Variants in BCL11B observed in about 807,000 individuals in gnomAD.
The protein encoded by BCL11B is BCL11 transcription factor B, also known as B-cell lymphoma/leukemia 11B.
Under a neutral mutation model 49.9 loss-of-function variants are expected in BCL11B, and 8 were observed. The ratio of observed to expected loss-of-function variants is 0.16; its 90% confidence interval spans 0.09 to 0.29. The LOEUF (loss-of-function observed/expected upper bound fraction) is 0.29. BCL11B is among the 10% of genes least tolerant of loss of function. The pLI, the probability that BCL11B is intolerant of heterozygous loss-of-function variation, is 1.00. For missense variants in BCL11B, 1,006 were observed against 1,351.0 expected (o/e 0.74, Z 4.00); for synonymous variants, 739 against 637.4 (o/e 1.16, Z -2.40).
In BCL11B at chr14:99,170,166, T is replaced by TG. The variant is rs1803662031; in HGVS notation, c.*3984dup. ...CCCTGGAGGCACTCTAGGACCTCAG[T>TG]GGGGCATCCAAAGGCAACAGCAGCC... On this transcript the variant is annotated 3_prime_UTR_variant, in exon 4 of 4. Coordinates refer to ENST00000357195, the MANE Select transcript of BCL11B (RefSeq NM_138576.4). 8.9e-6 allele frequency: 2 copies of TG among 224,596 alleles called. No homozygotes were observed. Among genetic ancestry groups the TG allele is most frequent in the Non-Finnish European group, 8.9e-6 (1 of 112,352 alleles). The allele number at this position is 224,596 out of a possible 1,614,324, so 13.9% of individuals were successfully genotyped here. A position where few individuals can be genotyped will look rare whatever the true frequency, so the allele number is the denominator to read the frequency against.
At chr14:99,193,274 C>A (rs1215563274) in intron 3 of BCL11B, among the ~76,000 whole-genome samples, 2 of 152,126 alleles carry the variant, frequency 1.3e-5, no homozygotes, top group Non-Finnish European at 2.9e-5. Context: ...TTCAACTAAT[C>A]AGAAAGGCCC....
intron 2 of BCL11B, among the ~76,000 whole-genome samples, chr14:99,252,088 C>T (rs1046528837): frequency 6.6e-6 from 1 of 152,182 alleles, no homozygotes; most frequent in Admixed American, 6.5e-5. Context: ...CCAGCCCAGC[C>T]CAAACTCTGC....
rs1442857173 is a variant in BCL11B, at chr14:99,194,023, T to C, written c.641-17828A>G. 1.3e-5 allele frequency among the ~76,000 whole-genome samples: 2 copies of C among 152,184 alleles called. No individual in the cohort carries two copies. The highest frequency in any genetic ancestry group is 2.9e-5 in the Non-Finnish European group (2 of 68,028). ...AATATGAATGGGGGTACTGGGGGTT[T>C]CAATGGTTTCTGCCAGACAATATGG... On this transcript the variant is annotated intron_variant, in intron 3 of 3. Transcript: ENST00000357195. The surrounding 1 kb of genome is among the most constrained non-coding windows in gnomAD (Gnocchi z 4.6).
Position 99,248,164 on chromosome 14 carries a change from C to T in BCL11B, c.427+9307G>A, listed in dbSNP as rs1888901568. Among the ~76,000 whole-genome samples, 2 of 152,134 alleles carry T rather than the reference C, an allele frequency of 1.3e-5. No individual in the cohort carries two copies. Among genetic ancestry groups the T allele is most frequent in the Non-Finnish European group, 2.9e-5 (2 of 68,018 alleles). ...CTGATCAAGGGCTCCCTCCTCCCTC[C>T]CTCCCTGCTCTCCTCTCCCAACCCT... On this transcript the variant is annotated intron_variant, in intron 2 of 3. Coordinates refer to ENST00000357195, the MANE Select transcript of BCL11B (RefSeq NM_138576.4). The surrounding 1 kb of genome is among the most constrained non-coding windows in gnomAD (Gnocchi z 4.7).
At chr14:99,261,286 G>A (rs1007401498) in intron 1 of BCL11B, among the ~76,000 whole-genome samples, 8 of 152,248 alleles carry the variant, frequency 5.3e-5, no homozygotes, top group Non-Finnish European at 1.0e-4. Context: ...CTGGCAGGCA[G>A]ATACCAAGCT....
intron 3 of BCL11B, among the ~76,000 whole-genome samples, chr14:99,186,906 T>G (rs1221950639): frequency 2.0e-5 from 3 of 152,206 alleles, no homozygotes; most frequent in African/African-American, 7.2e-5. Flanking sequence ...ATCCAGTCTA[T>G]GAAGATCACT....
intron 3 of BCL11B, among the ~76,000 whole-genome samples, chr14:99,225,564 T>C (rs2139875997): frequency 6.6e-6 from 1 of 152,166 alleles, no homozygotes; most frequent in South Asian, 2.1e-4. Context: ...TAATTACACA[T>C]GCTATCTTAT....
In BCL11B at chr14:99,170,943, G is replaced by A. The variant is rs183317336; in HGVS notation, c.*3208C>T. 4.7e-4 allele frequency: 109 copies of A among 232,540 alleles called. No homozygotes were observed. Among genetic ancestry groups the A allele is most frequent in the African/African-American group, 2.3e-3 (104 of 45,412 alleles). 14.4% of individuals were successfully genotyped at this position (232,540 alleles called of 1,614,324 possible). A position where few individuals can be genotyped will look rare whatever the true frequency, so the allele number is the denominator to read the frequency against. On this transcript the variant is annotated 3_prime_UTR_variant, in exon 4 of 4. Transcript: ENST00000357195. ...TGCATTGCTTTCTGCTGGTAAGGGCGGGAGAGGTGGTGGTGGTGACCGCCA... is the reference window on the plus strand; with the variant it reads ...TGCATTGCTTTCTGCTGGTAAGGGCAGGAGAGGTGGTGGTGGTGACCGCCA...
intron 3 of BCL11B, among the ~76,000 whole-genome samples, chr14:99,177,532 G>A (rs1007840186): frequency 2.7e-5 from 4 of 150,020 alleles, no homozygotes. Context: ...CCGTCTTGCA[G>A]CATTGCACTC....
At chr14:99,255,702 G>A (rs1015193896) in intron 2 of BCL11B, among the ~76,000 whole-genome samples, 3 of 152,126 alleles carry the variant, frequency 2.0e-5, no homozygotes, top group East Asian at 1.9e-4. Flanking sequence ...GCCAGGCGTC[G>A]ATACTACAGG....
At chr14:99,229,003 AATGGATGGATGG>A (rs546394639) in intron 3 of BCL11B, among the ~76,000 whole-genome samples, 8 of 107,538 alleles carry the variant, frequency 7.4e-5, no homozygotes, top group East Asian at 2.9e-4. Context: ...TACATGGATG[AATGGATGGATGG>A]ATGGATGGAT....
intron 2 of BCL11B, among the ~76,000 whole-genome samples, chr14:99,243,774 A>C (rs534838889): frequency 6.6e-6 from 1 of 152,332 alleles, no homozygotes; most frequent in East Asian, 1.9e-4. Flanking sequence ...GGCTTCTCAA[A>C]GCAATAAAAT....
At position 99,269,449 on chromosome 14, in the gene BCL11B, G is replaced by C. The variant is rs912827890; in HGVS notation, c.58+1712C>G. Among the ~76,000 whole-genome samples, 19 of 151,346 alleles carry C rather than the reference G, an allele frequency of 1.3e-4. 2 individuals carry two copies. The highest frequency in any genetic ancestry group is 4.6e-4 in the African/African-American group (19 of 41,082). The stretch of plus-strand genomic sequence containing the variant: ...TGTTACAACGGCGAAAAATAAAAGA[G>C]AAGTCCTCTTCCCTTCCTCCAAAGA... On this transcript the variant is annotated intron_variant, in intron 1 of 3. Transcript: ENST00000357195.
intron 1 of BCL11B, among the ~76,000 whole-genome samples, chr14:99,267,966 A>C (rs1020697218): frequency 6.6e-6 from 1 of 151,278 alleles, no homozygotes; most frequent in Non-Finnish European, 1.5e-5. Flanking sequence ...TCTTCCCTTC[A>C]CCCTGGCCCT....
At chr14:99,182,984 T>C (rs755615199) in intron 3 of BCL11B, among the ~76,000 whole-genome samples, 1 of 152,216 alleles carries the variant, frequency 6.6e-6, no homozygotes, top group South Asian at 2.1e-4. Flanking sequence ...ATTAATTCAC[T>C]GAACAAACAG....
intron 3 of BCL11B, among the ~76,000 whole-genome samples, chr14:99,179,872 G>C (rs1886650488): frequency 6.6e-6 from 1 of 152,120 alleles, no homozygotes; most frequent in South Asian, 2.1e-4. Context: ...AAGTAGCCCT[G>C]AGCATGAGGC....
intron 1 of BCL11B, among the ~76,000 whole-genome samples, chr14:99,258,801 G>T (rs1889252004): frequency 6.6e-6 from 1 of 152,166 alleles, no homozygotes; most frequent in African/African-American, 2.4e-5. Context: ...AAATTCTCCA[G>T]ACTCCAAAAG....
chr14:99,247,843 G>A lies in BCL11B; in HGVS notation c.427+9628C>T, dbSNP rs1298147408. ...CACCTTTGAGGTTGTGTCCACACCC[G>A]CAACCTGAAGGCCATGGAAGCTGCC... On this transcript the variant is annotated intron_variant, in intron 2 of 3. Coordinates refer to ENST00000357195, the MANE Select transcript of BCL11B (RefSeq NM_138576.4). The surrounding 1 kb of genome is among the most constrained non-coding windows in gnomAD (Gnocchi z 4.5). Among the ~76,000 whole-genome samples, 2 of 152,200 alleles carry A rather than the reference G, an allele frequency of 1.3e-5. No individual in the cohort carries two copies. Among genetic ancestry groups the A allele is most frequent in the Admixed American group, 6.5e-5 (1 of 15,286 alleles).
intron 3 of BCL11B, among the ~76,000 whole-genome samples, chr14:99,190,271 G>C (rs571891820): frequency 6.6e-6 from 1 of 152,166 alleles, no homozygotes; most frequent in South Asian, 2.1e-4. Flanking sequence ...GGCAGATCAC[G>C]AGGTCAGGAG....
Sources: gnomAD v4.1 joint callset for allele counts (sites outside exome capture counted in the v4.1 genomes callset) on GRCh38, gnomAD v4.1.1 for gene constraint, Gnocchi (gnomAD v3.1) non-coding constraint, MANE v1.5 for transcripts, NCBI Gene and HGNC (gene_info 2026-07-23, HGNC 2026-07-21) for gene names.